The following CDT1 variants were observed in gnomAD, a reference collection of about 807,000 sequenced individuals.
CDT1 encodes the protein chromatin licensing and DNA replication factor 1, also known as DNA replication factor Cdt1.
CDT1 carries 66 observed loss-of-function variants against 49.3 expected under a neutral mutation model. That is an observed-to-expected ratio of 1.34 (90% CI 1.10 to 1.64). The LOEUF (loss-of-function observed/expected upper bound fraction) is 1.64, where lower values mean the gene tolerates loss of function less well. Ranked by LOEUF, CDT1 falls within the 40% of genes most tolerant of loss-of-function variation. The pLI is 0.00. For missense variants in CDT1, 958 were observed against 807.7 expected (o/e 1.19, Z -2.26); for synonymous variants, 424 against 347.4 (o/e 1.22, Z -2.45).
Position 88,808,419 on chromosome 16 carries a change from G to C in CDT1, c.*141G>C. On this transcript the variant is annotated 3_prime_UTR_variant, in exon 10 of 10. Transcript: ENST00000301019. ...GGGCCAGAGGCAGATGTGGGCTGCA[G>C]GCTGCACAGCCCGAGGGTCTCTGGC... is the stretch of plus-strand genomic sequence containing the variant. 2 of 991,432 alleles carry C rather than the reference G, an allele frequency of 2.0e-6. No individual in the cohort carries two copies. The highest frequency in any genetic ancestry group is 2.9e-6 in the Non-Finnish European group (2 of 680,602). The allele number at this position is 991,432 out of a possible 1,614,324, so 61.4% of individuals were successfully genotyped here.
rs1457945528 is a variant in CDT1, at chr16:88,803,925, C to T, written c.94C>T (p.Pro32Ser). Reference sequence around the variant, plus strand: ...CAAGCTGGCCTGCCGCACCCCCAGCCCCGCCAGGCCCGCACTCCGCGCCCC... The same window carrying T: ...CAAGCTGGCCTGCCGCACCCCCAGCTCCGCCAGGCCCGCACTCCGCGCCCC... The part of the protein sequence containing the change: ...PPKLACRTPS[P>S]ARPALRAPAS... The change falls in exon 1 of 10, where the codon CCC (proline) becomes TCC (serine). Residue 32 changes from proline to serine, a missense_variant. By Grantham distance (74) the Pro-to-Ser change is moderately conservative (BLOSUM62 -1). Coordinates refer to ENST00000301019, the MANE Select transcript of CDT1 (RefSeq NM_030928.4). 4.4e-6 allele frequency: 6 copies of T among 1,358,632 alleles called. No homozygotes were observed. The South Asian group carries it at 8.0e-5, about 18-fold the overall frequency. The allele number at this position is 1,358,632 out of a possible 1,614,324, so 84.2% of individuals were successfully genotyped here. A position where few individuals can be genotyped will look rare whatever the true frequency, so the allele number is the denominator to read the frequency against.
rs749112424 is a variant in CDT1 at position 88,805,486 on chromosome 16, C to A, written c.535C>A (p.Pro179Thr). ...CCAGCGCTTCCATGCCCTGGCCCAG[C>A]CCGGCCTGCCGGGACTCGTGCTGCC... ...AYQRFHALAQ[P>T]GLPGLVLPYK... The change falls in exon 4 of 10, where the codon CCC becomes ACC. Residue 179 changes from proline to threonine, a missense_variant. Coordinates refer to ENST00000301019, the MANE Select transcript of CDT1 (RefSeq NM_030928.4). The A allele has an allele frequency of 3.0e-5, 48 of 1,612,844 alleles. 2 individuals are homozygous for A. In the Middle Eastern group the frequency reaches 2.0e-3, roughly 67 times the overall value.
In CDT1 at chr16:88,804,743, T is replaced by A; in HGVS notation, c.352-19T>A. The A allele has an allele frequency of 6.2e-7, 1 of 1,612,736 alleles. No individual in the cohort carries two copies. Among genetic ancestry groups the A allele is most frequent in the Non-Finnish European group, 8.5e-7 (1 of 1,179,846 alleles). On this transcript the variant is annotated intron_variant, in intron 2 of 9. Transcript: ENST00000301019. ...TGCCTGCCTGCCTGACGGCACCGTG[T>A]CCCCTGATCCCCCTGAAGGACACCA...
chr16:88,805,077 C>G (rs1031081336), intron 3 of CDT1, among the ~76,000 whole-genome samples, 179 bp downstream of exon 3: 1 of 152,258 alleles, frequency 6.6e-6, no homozygotes, highest in Non-Finnish European at 1.5e-5. Context: ...GCGCTGTGCC[C>G]TCAGTCCCTC....
intron 4 of CDT1, 41 bp downstream of exon 4, chr16:88,805,678 G>A: frequency 6.2e-7 from 1 of 1,612,624 alleles, no homozygotes; most frequent in South Asian, 1.1e-5. Flanking sequence ...CTGGAGTTGG[G>A]GGTGGGCCCG....
At chr16:88,805,028 G>C (rs759580972) in intron 3 of CDT1, 130 bp downstream of exon 3, 2 of 1,271,972 alleles carry the variant, frequency 1.6e-6, no homozygotes, top group Non-Finnish European at 1.1e-6. Context: ...ACCAGGGCGC[G>C]GACCCAGACC....
Position 88,808,912 on chromosome 16 carries a change from T to C in CDT1, c.*634T>C, listed in dbSNP as rs527345515. The C allele has an allele frequency of 1.1e-4, 17 of 161,900 alleles. No individual in the cohort carries two copies. Among genetic ancestry groups the C allele is most frequent in the East Asian group, 3.6e-4 (2 of 5,496 alleles). The allele number at this position is 161,900 out of a possible 1,614,324, so 10.0% of individuals were successfully genotyped here. A position where few individuals can be genotyped will look rare whatever the true frequency, so the allele number is the denominator to read the frequency against. On this transcript the variant is annotated 3_prime_UTR_variant, in exon 10 of 10. Transcript: ENST00000301019. ...TAGGGAGGCTGAGGCAGGAGAATGGTGTGAACCCAGGAGGCACAGCTTGCA... is the reference window on the plus strand; with the variant it reads ...TAGGGAGGCTGAGGCAGGAGAATGGCGTGAACCCAGGAGGCACAGCTTGCA...
In CDT1 at chr16:88,806,512, C is replaced by T. The variant is rs760937524; in HGVS notation, c.960C>T (p.Ala320=). Residue 320 remains alanine (A), a synonymous_variant, in exon 7 of 10, where the codon GCC becomes GCT. Coordinates refer to ENST00000301019, the MANE Select transcript of CDT1 (RefSeq NM_030928.4). ...CCTTCCTGGCCTCCCTGAGCCCCGC[C>T]ATGGTGGTGCCGGAGGACCAGCTGA... The part of the protein sequence containing the change: ...HKAFLASLSP[A]MVVPEDQLTR... 11 of 1,610,962 alleles carry T rather than the reference C, an allele frequency of 6.8e-6. No homozygotes were observed. In the African/African-American group the frequency reaches 1.3e-4, roughly 20 times the overall value.
chr16:88,805,360 C>A, intron 3 of CDT1, 80 bp from the exon 4 acceptor site: 1 of 1,528,604 alleles, frequency 6.5e-7, no homozygotes, highest in South Asian at 1.1e-5. Flanking sequence ...ATCGGAGGGT[C>A]TCCCTGGCCG....
rs1166539816 is a variant in CDT1, at chr16:88,804,782, G to T, written c.372G>T (p.Ala124=). Reference sequence around the variant, plus strand: ...TGAAGGACACCATCTCTGAGCTTGCGTCATGCCTGCAACGGGCCCGGGAGC... The same window carrying T: ...TGAAGGACACCATCTCTGAGCTTGCTTCATGCCTGCAACGGGCCCGGGAGC... The part of the protein sequence containing the change: ...AQDQDTISEL[A]SCLQRARELG... Residue 124 remains alanine (A), a synonymous_variant, in exon 3 of 10, where the codon GCG becomes GCT. Transcript: ENST00000301019. 2 of 1,612,850 alleles carry T rather than the reference G, an allele frequency of 1.2e-6. No individual in the cohort carries two copies. Among genetic ancestry groups the T allele is most frequent in the Non-Finnish European group, 1.7e-6 (2 of 1,179,884 alleles).
Position 88,805,634 on chromosome 16 carries a change from G to C in CDT1, c.683G>C (p.Arg228Pro). Reference sequence around the variant, plus strand: ...CAGCGGGGCGTCCAGGACATGATGCGTAGGTGAGTGGCCGGGGGTGGGCTG... The same window carrying C: ...CAGCGGGGCGTCCAGGACATGATGCCTAGGTGAGTGGCCGGGGGTGGGCTG... The part of the protein sequence containing the change: ...KVQRGVQDMM[R>P]RRFEECNVGQ... The change falls in exon 4 of 10, where the codon CGT becomes CCT. Residue 228 changes from arginine (R) to proline (P), a missense_variant. Physicochemically the swap from Arg to Pro is moderately radical, Grantham distance 103. Coordinates refer to ENST00000301019, the MANE Select transcript of CDT1 (RefSeq NM_030928.4). 1 of 1,612,730 alleles carries C rather than the reference G, an allele frequency of 6.2e-7. No individual in the cohort carries two copies. The highest frequency in any genetic ancestry group is 8.5e-7 in the Non-Finnish European group (1 of 1,179,970).
At chr16:88,805,967 C>T (rs529551433) in intron 5 of CDT1, 54 bp from the exon 6 acceptor site, 42 of 1,573,030 alleles carry the variant, frequency 2.7e-5, no homozygotes, top group East Asian at 4.6e-5. Context: ...GGACTGGTCA[C>T]GGGTGGGTGG....
intron 3 of CDT1, 141 bp from the exon 4 acceptor site, chr16:88,805,299 G>C (rs1225875021): frequency 1.0e-6 from 1 of 962,324 alleles, no homozygotes; most frequent in Non-Finnish European, 1.6e-6. Flanking sequence ...TGCCAGTGCT[G>C]GTGGGTGTGC....
rs1033757702 is a variant in CDT1, at chr16:88,809,009, A to T, written c.*731A>T. The T allele has an allele frequency of 5.9e-5, 10 of 170,030 alleles. No homozygotes were observed. Among genetic ancestry groups the T allele is most frequent in the African/African-American group, 2.2e-4 (9 of 41,694 alleles). The allele number at this position is 170,030 out of a possible 1,614,324, so 10.5% of individuals were successfully genotyped here. ...AGCGAGACTCCGTCTCAAAAAAAAAAATTTCAAGACTGGAGAGGTGATCCT... is the reference window on the plus strand; with the variant it reads ...AGCGAGACTCCGTCTCAAAAAAAAATATTTCAAGACTGGAGAGGTGATCCT... On this transcript the variant is annotated 3_prime_UTR_variant, in exon 10 of 10. Coordinates refer to ENST00000301019, the MANE Select transcript of CDT1 (RefSeq NM_030928.4).
At chr16:88,807,629 C>T (rs940001815) in intron 9 of CDT1, 147 bp downstream of exon 9, 5 of 837,802 alleles carry the variant, frequency 6.0e-6, no homozygotes, top group African/African-American at 1.7e-5. Context: ...CTGGTGTGTC[C>T]TGGGCGCTCT....
Position 88,803,918 on chromosome 16 carries a change from C to T in CDT1, c.87C>T (p.Thr29=). The T allele has an allele frequency of 2.2e-6, 3 of 1,375,560 alleles. No individual in the cohort carries two copies. The highest frequency in any genetic ancestry group is 1.5e-5 in the African/African-American group (1 of 65,354). 85.2% of individuals were successfully genotyped at this position (1,375,560 alleles called of 1,614,324 possible). Residue 29 remains threonine, a synonymous_variant, in exon 1 of 10, where the codon ACC becomes ACT. Coordinates refer to ENST00000301019, the MANE Select transcript of CDT1 (RefSeq NM_030928.4). ...CGCCGCCCAAGCTGGCCTGCCGCAC[C>T]CCCAGCCCCGCCAGGCCCGCACTCC... is the stretch of plus-strand genomic sequence containing the variant. The part of the protein sequence containing the change: ...RIAPPKLACR[T]PSPARPALRA...
intron 1 of CDT1, among the ~76,000 whole-genome samples, chr16:88,804,344 C>T (rs1908762155): frequency 6.6e-6 from 1 of 152,126 alleles, no homozygotes; most frequent in Non-Finnish European, 1.5e-5. Flanking sequence ...GGCAGGGGTC[C>T]GACCTGGAAA....
chr16:88,809,120 G>A lies in CDT1; in HGVS notation c.*842G>A, dbSNP rs535649386. On this transcript the variant is annotated 3_prime_UTR_variant, in exon 10 of 10. Transcript: ENST00000301019. ...AGCTTTGAAGACGCGGCCCTGCCCCGACACAGGCAGCCTGGAGAAGCTGGG... is the reference window on the plus strand; with the variant it reads ...AGCTTTGAAGACGCGGCCCTGCCCCAACACAGGCAGCCTGGAGAAGCTGGG... 20 of 254,046 alleles carry A rather than the reference G, an allele frequency of 7.9e-5. No homozygotes were observed. Among genetic ancestry groups the A allele is most frequent in the South Asian group, 4.4e-4 (10 of 22,930 alleles). 15.7% of individuals were successfully genotyped at this position (254,046 alleles called of 1,614,324 possible).
chr16:88,806,092 C>A lies in CDT1; in HGVS notation c.904C>A (p.Leu302Met). The A allele has an allele frequency of 6.2e-7, 1 of 1,601,964 alleles. No homozygotes were observed. The highest frequency in any genetic ancestry group is 8.5e-7 in the Non-Finnish European group (1 of 1,177,848). Residue 302 changes from leucine to methionine, a missense_variant, in exon 6 of 10, where the codon CTG becomes ATG. Transcript: ENST00000301019. ...GCGACGGCAGATCTTCAGCCAGAAG[C>A]TGGTGGAGCATGTCAAGGAGCACCA... The part of the protein sequence containing the change: ...LQRRQIFSQK[L>M]VEHVKEHHKA...
Sources: allele counts gnomAD v4.1 joint callset (sites outside exome capture counted in the v4.1 genomes callset), GRCh38; gene constraint gnomAD v4.1.1; transcripts MANE v1.5; gene names NCBI Gene and HGNC (gene_info 2026-07-23, HGNC 2026-07-21).